The following THSD4 variants were observed in gnomAD, a reference collection of about 807,000 sequenced individuals.
The protein encoded by THSD4 is thrombospondin type-1 domain-containing protein 4.
THSD4 carries 69 observed loss-of-function variants against 119.0 expected under a neutral mutation model. That is an observed-to-expected ratio of 0.58 (90% CI 0.48 to 0.71). The LOEUF is 0.71. Among genes scored for constraint, THSD4 ranks in the 30% least tolerant of loss-of-function variants. The pLI, the probability that THSD4 is intolerant of heterozygous loss-of-function variation, is 0.00. For missense variants in THSD4, 1,393 were observed against 1,391.1 expected (o/e 1.00, Z -0.02); for synonymous variants, 524 against 540.4 (o/e 0.97, Z 0.42).
upstream of THSD4, chr15:71,112,222 C>T (rs552659111): frequency 6.8e-6 from 11 of 1,612,478 alleles, 1 homozygote; most frequent in East Asian, 2.2e-4. Context: ...TGGCTGTAGG[C>T]AGAGGGCTGA....
At chr15:71,473,306 C>T (rs987377275) in intron 7 of THSD4, among the ~76,000 whole-genome samples, 3 of 152,160 alleles carry the variant, frequency 2.0e-5, no homozygotes, top group South Asian at 2.1e-4. Context: ...AATCCACCCG[C>T]CTCAGCCCTC....
intron 16 of THSD4, 118 bp downstream of exon 16, chr15:71,765,317 T>G: frequency 7.9e-7 from 1 of 1,260,340 alleles, no homozygotes; most frequent in Non-Finnish European, 1.1e-6. Flanking sequence ...CCTACAGCAA[T>G]CTACCTTAGG....
At chr15:71,489,458 G>A (rs1292397472) in intron 7 of THSD4, among the ~76,000 whole-genome samples, 3 of 152,142 alleles carry the variant, frequency 2.0e-5, no homozygotes, top group Non-Finnish European at 4.4e-5. Context: ...GCTATCCCCA[G>A]CTGCTGCCCA....
intron 6 of THSD4, among the ~76,000 whole-genome samples, chr15:71,409,893 T>TG (rs386383433): frequency 6.6e-6 from 1 of 152,036 alleles, no homozygotes; most frequent in Non-Finnish European, 1.5e-5. Flanking sequence ...ACAGTTTTTT[T>TG]TTTTTTGTTT....
At chr15:71,772,003 T>C (rs1427429394) in intron 17 of THSD4, among the ~76,000 whole-genome samples, 2 of 152,114 alleles carry the variant, frequency 1.3e-5, no homozygotes, top group African/African-American at 4.8e-5. Flanking sequence ...AGAGGCATAT[T>C]GGATGCCCCA....
At position 71,779,648 on chromosome 15, in the gene THSD4, G is replaced by A. The variant is rs1189424244; in HGVS notation, c.*2274G>A. The stretch of plus-strand genomic sequence containing the variant: ...TGGTTCTTCCAACTCAGGAATTCTC[G>A]TGGCTGGGCTGGGTCAGTGATGGCT... On this transcript the variant is annotated 3_prime_UTR_variant, in exon 18 of 18. Coordinates refer to ENST00000261862, the MANE Select transcript of THSD4 (RefSeq NM_024817.3). The A allele has an allele frequency of 2.0e-5, 3 of 152,252 alleles. No individual in the cohort carries two copies. Among genetic ancestry groups the A allele is most frequent in the Non-Finnish European group, 4.4e-5 (3 of 68,090 alleles). The allele number at this position is 152,252 out of a possible 1,614,324, so 9.4% of individuals were successfully genotyped here.
At chr15:71,733,844 C>A (rs1401152941) in intron 10 of THSD4, 1 of 146,806 alleles carries the variant, frequency 6.8e-6, no homozygotes, top group Non-Finnish European at 1.5e-5. Flanking sequence ...CACTTGAACC[C>A]AGGAGACACA....
Position 71,763,080 on chromosome 15 carries a change from A to AT in THSD4, c.2590-1931dup, listed in dbSNP as rs57672981. On this transcript the variant is annotated intron_variant, in intron 15 of 17. Coordinates refer to ENST00000261862, the MANE Select transcript of THSD4 (RefSeq NM_024817.3). The stretch of plus-strand genomic sequence containing the variant: ...AGCAAGACTCCATCTCAAAAAAAAA[A>AT]TTTTTTTTTAGTAAAAAAATCCCGT... Among the ~76,000 whole-genome samples the AT allele has an allele frequency of 8.0e-3, 1,206 of 151,690 alleles. 12 individuals are homozygous for AT. Among genetic ancestry groups the AT allele is most frequent in the Non-Finnish European group, 7.3e-3 (497 of 67,886 alleles).
At chr15:71,750,879 A>C (rs2053435576) in intron 14 of THSD4, among the ~76,000 whole-genome samples, 1 of 152,170 alleles carries the variant, frequency 6.6e-6, no homozygotes, top group Non-Finnish European at 1.5e-5. Context: ...GGTACTGCGG[A>C]AACAGTGGGG....
At chr15:71,261,919 TTAAA>T (rs2044404506) in intron 6 of THSD4, among the ~76,000 whole-genome samples, 1 of 152,196 alleles carries the variant, frequency 6.6e-6, no homozygotes, top group South Asian at 2.1e-4. Context: ...TTGGCTTTGT[TTAAA>T]TAATTCTTTT....
intron 6 of THSD4, among the ~76,000 whole-genome samples, chr15:71,324,860 C>T (rs1300116299): frequency 6.6e-6 from 1 of 152,114 alleles, no homozygotes; most frequent in Non-Finnish European, 1.5e-5. Flanking sequence ...GGTAGATCTA[C>T]TTTTAGTTAT....
intron 7 of THSD4, among the ~76,000 whole-genome samples, chr15:71,440,339 CA>C (rs2047072876): frequency 6.6e-6 from 1 of 152,152 alleles, no homozygotes; most frequent in African/African-American, 2.4e-5. Flanking sequence ...CTTTGAGTTT[CA>C]AGTCAGTTTC....
At chr15:71,220,663 G>A (rs1164113615) in intron 4 of THSD4, among the ~76,000 whole-genome samples, 1 of 152,188 alleles carries the variant, frequency 6.6e-6, no homozygotes, top group African/African-American at 2.4e-5. Flanking sequence ...TCTAAAGGCT[G>A]GTATTAGATA....
intron 1 of THSD4, among the ~76,000 whole-genome samples, chr15:71,097,401 C>CA (rs933483233): frequency 5.3e-4 from 80 of 151,894 alleles, no homozygotes; most frequent in African/African-American, 1.8e-3. Flanking sequence ...CCCGTCTCTA[C>CA]AAAAAATACA....
chr15:71,765,790 CTG>C (rs59012463), intron 16 of THSD4, among the ~76,000 whole-genome samples: 15,608 of 145,670 alleles, frequency 0.11, 1,040 homozygotes, highest in African/African-American at 0.19. Context: ...CACACACTCT[CTG>C]TGTGTGTGTG....
intron 7 of THSD4, among the ~76,000 whole-genome samples, chr15:71,557,300 A>C (rs1416373509): frequency 6.6e-6 from 1 of 152,304 alleles, no homozygotes; most frequent in South Asian, 2.1e-4. Context: ...TATAATGTTA[A>C]ACTATCCTTG....
chr15:71,719,684 T>C (rs980138260), intron 8 of THSD4, among the ~76,000 whole-genome samples: 6 of 152,262 alleles, frequency 3.9e-5, no homozygotes, highest in Admixed American at 2.6e-4. Context: ...TATCAAAACA[T>C]GTATTTTTTG....
At chr15:71,701,194 A>T (rs1193428556) in intron 8 of THSD4, among the ~76,000 whole-genome samples, 1 of 152,208 alleles carries the variant, frequency 6.6e-6, no homozygotes. Context: ...AACCCAATGT[A>T]AAAAAGGCAA....
intron 15 of THSD4, among the ~76,000 whole-genome samples, chr15:71,762,664 T>G (rs1189070464): frequency 6.6e-6 from 1 of 152,216 alleles, no homozygotes; most frequent in East Asian, 1.9e-4. Flanking sequence ...TTCTCCTGCC[T>G]TCAGTTCTTC....
Sources: allele counts gnomAD v4.1 joint callset (sites outside exome capture counted in the v4.1 genomes callset), GRCh38; gene constraint gnomAD v4.1.1; transcripts MANE v1.5; gene names NCBI Gene and HGNC (gene_info 2026-07-23, HGNC 2026-07-21).